MMS19: variants seen among roughly 807,000 people sequenced by gnomAD.
The protein encoded by MMS19 is MMS19 cytosolic iron-sulfur assembly component.
A neutral mutation model predicts 129.8 loss-of-function variants in MMS19; 77 were observed. The observed-to-expected ratio is 0.59, with a 90% CI of 0.49 to 0.72. The LOEUF is 0.72. Ranked by LOEUF, MMS19 falls within the 30% of genes least tolerant of loss-of-function variation. MMS19 has a pLI of 0.00. For synonymous variants in MMS19, 491 were observed against 502.8 expected (o/e 0.98, Z 0.31); for missense variants, 1,168 against 1,266.3 (o/e 0.92, Z 1.18).
At chr10:97,494,348 G>C (rs1428542161) in intron 1 of MMS19, among the ~76,000 whole-genome samples, 2 of 152,196 alleles carry the variant, frequency 1.3e-5, no homozygotes, top group East Asian at 1.9e-4. Flanking sequence ...TGCACAAACA[G>C]ATCTCTGTCT....
chr10:97,462,325 G>A (rs1033635387), intron 20 of MMS19, among the ~76,000 whole-genome samples: 2 of 152,244 alleles, frequency 1.3e-5, no homozygotes, highest in Non-Finnish European at 2.9e-5. Flanking sequence ...GGGAAGTCAA[G>A]GTATATTTTA....
chr10:97,466,825 C>G lies in MMS19; in HGVS notation c.1374G>C (p.Gln458His). ...GTGTACGGATGCCAACAAGCTGAAG[C>G]TGGGTGCTGGGGTCTGTTAGAGCCA... is the stretch of plus-strand genomic sequence containing the variant. ...VFMALTDPST[Q>H]LQLVGIRTLT... is the part of the protein sequence containing the mutation. The change falls in exon 15 of 31, where the codon CAG becomes CAC. Residue 458 changes from glutamine to histidine, a missense_variant. Around this residue, in one of 3 missense-constraint regions of MMS19, gnomAD observed 831 missense variants for 910.8 expected, o/e 0.91. Transcript: ENST00000438925. 1.9e-6 allele frequency: 3 copies of G among 1,614,014 alleles called. No individual in the cohort carries two copies. The highest frequency in any genetic ancestry group is 1.6e-4 in the Middle Eastern group (1 of 6,062).
At chr10:97,493,731 C>T (rs1291213104) in intron 1 of MMS19, among the ~76,000 whole-genome samples, 1 of 152,066 alleles carries the variant, frequency 6.6e-6, no homozygotes, top group South Asian at 2.1e-4. Context: ...TAAAAATAAC[C>T]AGGGTTGGCA....
At chr10:97,468,200 G>T in intron 13 of MMS19, 52 bp downstream of exon 13, 1 of 1,462,544 alleles carries the variant, frequency 6.8e-7, no homozygotes, top group Non-Finnish European at 9.1e-7. Context: ...TCTGAGAAAG[G>T]GAACCTAGCA....
Position 97,458,810 on chromosome 10 carries a change from T to C in MMS19, c.3055A>G (p.Arg1019Gly), listed in dbSNP as rs1315870020. 1 of 1,614,008 alleles carries C rather than the reference T, an allele frequency of 6.2e-7. No individual in the cohort carries two copies. The highest frequency in any genetic ancestry group is 8.5e-7 in the Non-Finnish European group (1 of 1,179,874). Residue 1019 changes from arginine (R) to glycine (G), a missense_variant, in exon 30 of 31, where the codon AGA becomes GGA. This residue lies in a region of MMS19 where 831 missense variants were observed against 910.8 expected (regional missense o/e 0.91). Transcript: ENST00000438925. ...GACCTAGAAACTCACCACTCCCCTC[T>C]GGCTGACACTGCTTCCTTGCGCACC... ...RLVRKEAVSA[R>G]GEWFLLGSPG...
At chr10:97,459,154 A>C in intron 29 of MMS19, 69 bp downstream of exon 29, 1 of 1,499,270 alleles carries the variant, frequency 6.7e-7, no homozygotes, top group Admixed American at 2.0e-5. Flanking sequence ...CCACCTGACT[A>C]AGGCAAAAAG....
rs2031571317 is a variant in MMS19 at position 97,460,681 on chromosome 10, C to T, written c.2469+14G>A. On this transcript the variant is annotated intron_variant, in intron 25 of 30. Coordinates refer to ENST00000438925, the MANE Select transcript of MMS19 (RefSeq NM_022362.5). ...TTTAGGTCCTGGGTTCTTCTGTCTC[C>T]AGAAAGGACGTACCCGGGCTGTAAG... The T allele has an allele frequency of 6.3e-7, 1 of 1,581,896 alleles. No homozygotes were observed. The highest frequency in any genetic ancestry group is 1.8e-5 in the Admixed American group (1 of 55,304).
At chr10:97,466,740 C>A (rs2033574578) in intron 15 of MMS19, 36 bp downstream of exon 15, 1 of 1,613,698 alleles carries the variant, frequency 6.2e-7, no homozygotes, top group Non-Finnish European at 8.5e-7. Flanking sequence ...AAGAAAAGGA[C>A]CAATATTTTC....
Position 97,459,503 on chromosome 10 carries a change from G to A in MMS19, c.2763C>T (p.Ala921=). 1 of 1,613,066 alleles carries A rather than the reference G, an allele frequency of 6.2e-7. No individual in the cohort carries two copies. The change falls in exon 28 of 31, where the codon GCC becomes GCT. Residue 921 remains alanine, a synonymous_variant. Coordinates refer to ENST00000438925, the MANE Select transcript of MMS19 (RefSeq NM_022362.5). ...GCACCACACAGTCAGGGCAGGACAG[G>A]GCCTCCAGCAGCAAGGAAAGAAGCT... ...LPTLLSLLLE[A]LSCPDCVVQL...
chr10:97,480,301 CTG>C (rs1271748223), intron 3 of MMS19: 2 of 462,474 alleles, frequency 4.3e-6, no homozygotes, highest in Admixed American at 4.7e-5. Flanking sequence ...CGCTCTGTCT[CTG>C]TACAGGGGAG....
At chr10:97,497,279 T>C (rs2039975499) in intron 1 of MMS19, among the ~76,000 whole-genome samples, 1 of 152,242 alleles carries the variant, frequency 6.6e-6, no homozygotes, top group Non-Finnish European at 1.5e-5. Flanking sequence ...AATAGTGGCA[T>C]GATTGAATTA....
chr10:97,459,534 G>T lies in MMS19; in HGVS notation c.2740-8C>A, dbSNP rs750278850. The T allele has an allele frequency of 6.2e-7, 1 of 1,611,422 alleles. No individual in the cohort carries two copies. Among genetic ancestry groups the T allele is most frequent in the Non-Finnish European group, 8.5e-7 (1 of 1,178,168 alleles). On this transcript the variant is annotated splice_region_variant and splice_polypyrimidine_tract_variant and intron_variant, in intron 27 of 30. Transcript: ENST00000438925. ...CAGCAGCAAGGAAAGAAGCTAAGGG[G>T]CAATGGGCAAGGTAGGGGATGGCCA...
intron 1 of MMS19, among the ~76,000 whole-genome samples, chr10:97,489,532 G>A (rs29001267): frequency 3.9e-5 from 6 of 152,200 alleles, no homozygotes; most frequent in African/African-American, 7.2e-5. Context: ...AACTATGTAC[G>A]AGTGTCAAAA....
chr10:97,476,825 C>A lies in MMS19; in HGVS notation c.622+10G>T. The A allele has an allele frequency of 6.2e-7, 1 of 1,613,898 alleles. No individual in the cohort carries two copies. Among genetic ancestry groups the A allele is most frequent in the East Asian group, 2.2e-5 (1 of 44,884 alleles). On this transcript the variant is annotated intron_variant, in intron 7 of 30. Transcript: ENST00000438925. ...GCTCCAATGAGCTAATCATGGCTAC[C>A]ACGATATACCCAGGCTATAGTCCCT...
Position 97,458,562 on chromosome 10 carries a change from C to A in MMS19, c.*130G>T. ...TCTTTGTACAGCCATGCAACAGAGG[C>A]CTAGCATTTGTGCTGTGTCTGTGGG... On this transcript the variant is annotated 3_prime_UTR_variant, in exon 31 of 31. Coordinates refer to ENST00000438925, the MANE Select transcript of MMS19 (RefSeq NM_022362.5). 1 of 834,120 alleles carries A rather than the reference C, an allele frequency of 1.2e-6. No homozygotes were observed. Among genetic ancestry groups the A allele is most frequent in the Non-Finnish European group, 1.9e-6 (1 of 536,834 alleles). 51.7% of individuals were successfully genotyped at this position (834,120 alleles called of 1,614,324 possible).
At chr10:97,498,220 C>A (rs2135631266) in intron 1 of MMS19, 53 bp downstream of exon 1, 2 of 1,491,940 alleles carry the variant, frequency 1.3e-6, no homozygotes, top group Non-Finnish European at 8.9e-7. Flanking sequence ...GTACTGAGGC[C>A]GCTCCCTCCT....
At chr10:97,484,687 G>A (rs1373645677) in intron 1 of MMS19, among the ~76,000 whole-genome samples, 1 of 152,204 alleles carries the variant, frequency 6.6e-6, no homozygotes, top group Non-Finnish European at 1.5e-5. Context: ...GGGAGGCGAG[G>A]TGGGCAGATC....
intron 8 of MMS19, among the ~76,000 whole-genome samples, chr10:97,473,979 T>C (rs1332802939): frequency 6.6e-6 from 1 of 150,838 alleles, no homozygotes; most frequent in Non-Finnish European, 1.5e-5. Context: ...CCTGTCTCTA[T>C]AGAAAAATAC....
intron 2 of MMS19, among the ~76,000 whole-genome samples, chr10:97,482,731 T>C (rs1224708697): frequency 1.1e-5 from 1 of 95,044 alleles, no homozygotes; most frequent in East Asian, 3.9e-4. Context: ...TGTGTGTGTA[T>C]ATATATACAC....
Sources: allele counts gnomAD v4.1 joint callset (sites outside exome capture counted in the v4.1 genomes callset), GRCh38; gene constraint gnomAD v4.1.1; regional missense constraint gnomAD v4.1.1; transcripts MANE v1.5; gene names NCBI Gene and HGNC (gene_info 2026-07-23, HGNC 2026-07-21).